JADE1: variants seen among roughly 807,000 people sequenced by gnomAD.
The protein encoded by JADE1 is protein Jade-1.
Under a neutral mutation model 81.8 loss-of-function variants are expected in JADE1, and 14 were observed. The observed-to-expected ratio is 0.17, with a 90% confidence interval of 0.11 to 0.27. The LOEUF (loss-of-function observed/expected upper bound fraction) is 0.27. Among genes scored for constraint, JADE1 ranks in the 10% least tolerant of loss-of-function variants. The probability of loss-of-function intolerance (pLI) is 1.00; values close to 1 mark genes in which losing one functional copy is unlikely to be tolerated. For synonymous variants in JADE1, 353 were observed against 391.9 expected (o/e 0.90, Z 1.17); for missense variants, 690 against 1,047.9 (o/e 0.66, Z 4.71).
At chr4:128,817,686 A>G (rs1476188773) in intron 1 of JADE1, among the ~76,000 whole-genome samples, 3 of 152,246 alleles carry the variant, frequency 2.0e-5, no homozygotes, top group Non-Finnish European at 4.4e-5. Context: ...TGGAAATGCC[A>G]TGATGCACTT....
intron 1 of JADE1, among the ~76,000 whole-genome samples, chr4:128,821,252 C>T (rs1011784714): frequency 2.6e-5 from 4 of 152,180 alleles, no homozygotes; most frequent in South Asian, 2.1e-4. Context: ...AAAACTGAGA[C>T]GCGGAATAAG....
At chr4:128,842,872 G>C in intron 2 of JADE1, 81 bp from the exon 3 acceptor site, 1 of 1,239,806 alleles carries the variant, frequency 8.1e-7, no homozygotes, top group East Asian at 2.4e-5. Flanking sequence ...CCTGGGATGA[G>C]TTTGGGTAAG....
chr4:128,857,046 T>C (rs1730855631), intron 7 of JADE1, among the ~76,000 whole-genome samples: 1 of 152,250 alleles, frequency 6.6e-6, no homozygotes, highest in South Asian at 2.1e-4. Flanking sequence ...TAGACGGCAT[T>C]GTCCTGGTAC....
At chr4:128,840,594 A>G (rs1026116687) in intron 2 of JADE1, among the ~76,000 whole-genome samples, 5 of 152,110 alleles carry the variant, frequency 3.3e-5, no homozygotes, top group African/African-American at 1.2e-4. Flanking sequence ...CTCCAGGACA[A>G]GAGGGAGAAA....
chr4:128,848,265 G>A (rs990919207), intron 4 of JADE1, among the ~76,000 whole-genome samples: 5 of 152,072 alleles, frequency 3.3e-5, no homozygotes, highest in African/African-American at 4.8e-5. Flanking sequence ...TACAACCTCC[G>A]CCTCCTGGGT....
Position 128,867,947 on chromosome 4 carries a change from A to G in JADE1, c.1595A>G (p.Lys532Arg). The G allele has an allele frequency of 6.2e-7, 1 of 1,612,374 alleles. No individual in the cohort carries two copies. The highest frequency in any genetic ancestry group is 8.5e-7 in the Non-Finnish European group (1 of 1,178,412). Residue 532 changes from lysine to arginine, a missense_variant, in exon 10 of 11, where the codon AAG becomes AGG. Lys to Arg is a conservative substitution (Grantham distance 26). Around this residue, in one of 8 missense-constraint regions of JADE1, gnomAD observed 86 missense variants for 95.4 expected, o/e 0.90. Coordinates refer to ENST00000226319, the MANE Select transcript of JADE1 (RefSeq NM_199320.4). The part of the protein sequence containing the change: ...VQEQIFNLYT[K>R]LLEQERVSGV... Reference sequence around the variant, plus strand: ...GAACAGATATTCAATCTTTACACTAAGCTTTTGGAGCAAGAAAGAGTTTCA... The same window carrying G: ...GAACAGATATTCAATCTTTACACTAGGCTTTTGGAGCAAGAAAGAGTTTCA...
At chr4:128,863,854 G>A (rs1444160060) in intron 9 of JADE1, 4 of 985,344 alleles carry the variant, frequency 4.1e-6, no homozygotes, top group South Asian at 4.7e-5. Flanking sequence ...TTGGGAGGGG[G>A]AGGACAAGAA....
In JADE1 at chr4:128,873,101, A is replaced by G. The variant is rs928162129; in HGVS notation, c.*839A>G. 3 of 322,400 alleles carry G rather than the reference A, an allele frequency of 9.3e-6. No homozygotes were observed. Among genetic ancestry groups the G allele is most frequent in the Non-Finnish European group, 1.9e-5 (3 of 158,278 alleles). 20.0% of individuals were successfully genotyped at this position (322,400 alleles called of 1,614,324 possible). ...GCTTGGGATTTCCCTGGCCATTGCC[A>G]ATACCTGGCCATCTGGCTTCCAATA... On this transcript the variant is annotated 3_prime_UTR_variant, in exon 11 of 11. Transcript: ENST00000226319.
chr4:128,834,333 G>A (rs1005314115), intron 2 of JADE1, among the ~76,000 whole-genome samples: 3 of 152,054 alleles, frequency 2.0e-5, no homozygotes, highest in African/African-American at 7.2e-5. Flanking sequence ...CTTTGCACAG[G>A]CATCGCTGGT....
intron 1 of JADE1, among the ~76,000 whole-genome samples, chr4:128,819,046 G>C (rs553523295): frequency 3.0e-4 from 45 of 152,126 alleles, no homozygotes; most frequent in African/African-American, 1.0e-3. Flanking sequence ...CTTTGTTCTC[G>C]AACTCCTGAG....
At chr4:128,823,354 T>C (rs1272406568) in intron 1 of JADE1, among the ~76,000 whole-genome samples, 1 of 152,222 alleles carries the variant, frequency 6.6e-6, no homozygotes, top group Non-Finnish European at 1.5e-5. Context: ...TCTTGAGAAA[T>C]GCTTTCTTGG....
At chr4:128,863,907 T>C (rs1731578480) in intron 9 of JADE1, 1 of 985,314 alleles carries the variant, frequency 1.0e-6, no homozygotes, top group Non-Finnish European at 1.2e-6. Context: ...CACCACAAAA[T>C]AAAAGTGTAG....
Position 128,872,273 on chromosome 4 carries a change from A to G in JADE1, c.*11A>G. 6.2e-7 allele frequency: 1 copy of G among 1,609,934 alleles called. No individual in the cohort carries two copies. The highest frequency in any genetic ancestry group is 8.5e-7 in the Non-Finnish European group (1 of 1,176,852). ...ATCTTGGCTTCTTGATGCAACAGAG[A>G]TGATGCGGAAGCCCTTTGGGCTCGT... On this transcript the variant is annotated 3_prime_UTR_variant, in exon 11 of 11. Transcript: ENST00000226319.
chr4:128,871,902 C>T lies in JADE1; in HGVS notation c.2169C>T (p.Gly723=). ...AGGAGATAGTGCCCAAGTGCAATGGCTCCCTAATCAAAGTAAACTATAATC... is the reference window on the plus strand; with the variant it reads ...AGGAGATAGTGCCCAAGTGCAATGGTTCCCTAATCAAAGTAAACTATAATC... The part of the protein sequence containing the change: ...TRKEIVPKCN[G]SLIKVNYNQT... The change falls in exon 11 of 11, where the codon GGC becomes GGT. Residue 723 remains glycine (G), a synonymous_variant. Coordinates refer to ENST00000226319, the MANE Select transcript of JADE1 (RefSeq NM_199320.4). This position sits in a 1 kb window ranked among gnomAD's most constrained non-coding sequence, Gnocchi z 4.1. The T allele has an allele frequency of 1.9e-6, 3 of 1,614,094 alleles. No individual in the cohort carries two copies. Among genetic ancestry groups the T allele is most frequent in the Non-Finnish European group, 1.7e-6 (2 of 1,180,004 alleles).
intron 1 of JADE1, among the ~76,000 whole-genome samples, chr4:128,829,111 A>G (rs1728318311): frequency 6.6e-6 from 1 of 152,146 alleles, no homozygotes; most frequent in Admixed American, 6.5e-5. Flanking sequence ...ACCTGTCTGC[A>G]GTTGGTGTTT....
intron 10 of JADE1, among the ~76,000 whole-genome samples, chr4:128,869,393 G>A (rs74329280): frequency 0.013 from 1,911 of 152,266 alleles, 49 homozygotes; most frequent in African/African-American, 0.044. Flanking sequence ...AACTGCCTTG[G>A]AAGACTGTCT....
At chr4:128,832,938 G>A (rs553633803) in intron 2 of JADE1, among the ~76,000 whole-genome samples, 1 of 152,318 alleles carries the variant, frequency 6.6e-6, no homozygotes, top group Non-Finnish European at 1.5e-5. Flanking sequence ...CACAGGCACA[G>A]GCACGGGGCT....
At chr4:128,842,447 C>T (rs1469029561) in intron 2 of JADE1, among the ~76,000 whole-genome samples, 1 of 152,048 alleles carries the variant, frequency 6.6e-6, no homozygotes, top group East Asian at 1.9e-4. Flanking sequence ...TTACAGGTGC[C>T]TGCCACCACG....
rs549145910 is a variant in JADE1, at chr4:128,848,725, G to GGGCAGGGCAC, written c.297-254_297-245dup. On this transcript the variant is annotated intron_variant, in intron 4 of 10. Coordinates refer to ENST00000226319, the MANE Select transcript of JADE1 (RefSeq NM_199320.4). ...GCAGGCCAGAGTGGTCAGAGGTGGT[G>GGGCAGGGCAC]GGCAGGGCACAGCAGGGTCCCGGGA... is the stretch of plus-strand genomic sequence containing the variant. Among the ~76,000 whole-genome samples the GGGCAGGGCAC allele has an allele frequency of 1.5e-3, 232 of 152,346 alleles. 2 individuals carry two copies. The highest frequency in any genetic ancestry group is 0.013 in the East Asian group (70 of 5,186).
Sources: allele counts gnomAD v4.1 joint callset (sites outside exome capture counted in the v4.1 genomes callset), GRCh38; gene constraint gnomAD v4.1.1; regional missense constraint gnomAD v4.1.1; non-coding constraint Gnocchi (gnomAD v3.1); transcripts MANE v1.5; gene names NCBI Gene and HGNC (gene_info 2026-07-23, HGNC 2026-07-21).